Variants in PFKFB2 observed in about 807,000 individuals in gnomAD.
PFKFB2 encodes the protein 6-phosphofructo-2-kinase/fructose-2,6-bisphosphatase 2.
In PFKFB2, 53 loss-of-function variants were observed where a neutral mutation model predicts 68.0. The ratio of observed to expected loss-of-function variants is 0.78; its 90% CI spans 0.63 to 0.98. PFKFB2 has a LOEUF of 0.98. Among genes scored for constraint, PFKFB2 ranks in the 50% least tolerant of loss-of-function variants. PFKFB2 has a pLI of 0.00. For missense variants in PFKFB2, 451 were observed against 642.0 expected (o/e 0.70, Z 3.22); for synonymous variants, 222 against 227.6 (o/e 0.98, Z 0.22).
At chr1:207,059,522 A>G (rs574869911) in intron 2 of PFKFB2, among the ~76,000 whole-genome samples, 1 of 152,280 alleles carries the variant, frequency 6.6e-6, no homozygotes, top group Admixed American at 6.5e-5. Flanking sequence ...GCTTCAGGGT[A>G]CAGTTTGCTT....
At chr1:207,039,657 C>A (rs564505596) in intron 1 of PFKFB2, among the ~76,000 whole-genome samples, 2 of 152,112 alleles carry the variant, frequency 1.3e-5, no homozygotes, top group African/African-American at 2.4e-5. Flanking sequence ...AAAAACCCCA[C>A]GCTTTTATGG....
At chr1:207,040,602 GT>G (rs566969378) in intron 1 of PFKFB2, among the ~76,000 whole-genome samples, 47 of 152,128 alleles carry the variant, frequency 3.1e-4, no homozygotes, top group Non-Finnish European at 5.9e-4. Context: ...TTTGTGTCTT[GT>G]TTTCGTCTGG....
intron 1 of PFKFB2, among the ~76,000 whole-genome samples, chr1:207,037,701 T>C (rs1262588644): frequency 6.6e-6 from 1 of 152,244 alleles, no homozygotes; most frequent in Admixed American, 6.5e-5. Context: ...GTAAATATTA[T>C]TCCACATCAC....
intron 8 of PFKFB2, among the ~76,000 whole-genome samples, chr1:207,065,717 A>G (rs1223093272): frequency 1.3e-5 from 2 of 152,102 alleles, no homozygotes; most frequent in African/African-American, 4.8e-5. Context: ...CAATCTCAGT[A>G]TTATTGGCAC....
At chr1:207,065,307 G>T in intron 8 of PFKFB2, 147 bp downstream of exon 8, 1 of 1,436,378 alleles carries the variant, frequency 7.0e-7, no homozygotes, top group Non-Finnish European at 9.2e-7. Flanking sequence ...ATGGATTTGT[G>T]GCTTTTATGT....
At chr1:207,060,779 A>C (rs1343581279) in intron 2 of PFKFB2, 1 of 151,844 alleles carries the variant, frequency 6.6e-6, no homozygotes, top group Non-Finnish European at 1.5e-5. Context: ...TATGTTAAGG[A>C]TGATGTCATT....
chr1:207,051,150 G>A, upstream of PFKFB2: 1 of 1,421,110 alleles, frequency 7.0e-7, no homozygotes, highest in Non-Finnish European at 9.2e-7. Flanking sequence ...CCCTCAGAAC[G>A]AAGATGTAAA....
intron 2 of PFKFB2, chr1:207,047,674 T>TGCC (rs1682631542): frequency 1.3e-5 from 2 of 152,614 alleles, no homozygotes; most frequent in African/African-American, 4.8e-5. Flanking sequence ...TGAAGCTAAG[T>TGCC]TTTAGAGGGT....
downstream of PFKFB2, among the ~76,000 whole-genome samples, chr1:207,078,620 G>A (rs941210877): frequency 2.0e-5 from 3 of 152,162 alleles, no homozygotes; most frequent in African/African-American, 4.8e-5. Context: ...TGGTCTTTTG[G>A]CTGACATAGC....
chr1:207,060,501 T>C (rs1359933299), intron 2 of PFKFB2, among the ~76,000 whole-genome samples: 8 of 152,208 alleles, frequency 5.3e-5, no homozygotes. Flanking sequence ...TCAAGTAAGC[T>C]TTGCCAACTC....
Position 207,075,130 on chromosome 1 carries a change from G to T in PFKFB2, c.*2759G>T, listed in dbSNP as rs552744844. Reference sequence around the variant, plus strand: ...TGGATTAACACTGTACCCACTCTTAGCAAAAGGGGACTTCTCTAACAAGCT... The same window carrying T: ...TGGATTAACACTGTACCCACTCTTATCAAAAGGGGACTTCTCTAACAAGCT... On this transcript the variant is annotated 3_prime_UTR_variant, in exon 15 of 15. Transcript: ENST00000367080. 6.1e-6 allele frequency: 6 copies of T among 985,452 alleles called. 1 individual carries two copies. In the South Asian group the frequency reaches 2.8e-4, roughly 46 times the overall value. The allele number at this position is 985,452 out of a possible 1,614,324, so 61.0% of individuals were successfully genotyped here. A position where few individuals can be genotyped will look rare whatever the true frequency, so the allele number is the denominator to read the frequency against.
At position 207,073,163 on chromosome 1, in the gene PFKFB2, G is replaced by C; in HGVS notation, c.*792G>C. The C allele has an allele frequency of 1.0e-6, 1 of 985,526 alleles. No homozygotes were observed. Among genetic ancestry groups the C allele is most frequent in the Non-Finnish European group, 1.2e-6 (1 of 830,024 alleles). The allele number at this position is 985,526 out of a possible 1,614,324, so 61.0% of individuals were successfully genotyped here. A position where few individuals can be genotyped will look rare whatever the true frequency, so the allele number is the denominator to read the frequency against. ...ACAGTTCTAAGTCTTCGATGCCCTG[G>C]GAGAATCTGGCTCTGAGCATGTGGG... On this transcript the variant is annotated 3_prime_UTR_variant, in exon 15 of 15. Transcript: ENST00000367080.
intron 12 of PFKFB2, 41 bp from the exon 13 acceptor site, chr1:207,071,147 A>G (rs1683454465): frequency 2.0e-6 from 3 of 1,530,136 alleles, no homozygotes; most frequent in Non-Finnish European, 2.7e-6. Context: ...CTTACTCCAT[A>G]ATACTAAGAG....
chr1:207,049,004 C>A, upstream of PFKFB2: 2 of 1,606,202 alleles, frequency 1.2e-6, no homozygotes, highest in South Asian at 1.1e-5. Context: ...GGCTTCAACC[C>A]TCATTCATGC....
chr1:207,063,216 T>C lies in PFKFB2; in HGVS notation c.375+7T>C. 1 of 1,612,380 alleles carries C rather than the reference T, an allele frequency of 6.2e-7. No homozygotes were observed. Among genetic ancestry groups the C allele is most frequent in the Non-Finnish European group, 8.5e-7 (1 of 1,178,374 alleles). On this transcript the variant is annotated splice_region_variant and intron_variant, in intron 5 of 14. Transcript: ENST00000367080. This position sits in a 1 kb window ranked among gnomAD's most constrained non-coding sequence, Gnocchi z 4.1. ...GGAGAATGGTCAGATTGCGGTAAGC[T>C]TTATCTGCTGCTTCTTCTTTCTGGT...
intron 1 of PFKFB2, chr1:207,042,144 C>T (rs1052278305): frequency 6.6e-6 from 1 of 152,176 alleles, no homozygotes; most frequent in Admixed American, 6.5e-5. Context: ...ATGTCAATCT[C>T]TTCTTTTCCC....
In PFKFB2 at chr1:207,075,333, C is replaced by G; in HGVS notation, c.*2962C>G. The G allele has an allele frequency of 1.0e-6, 1 of 985,436 alleles. No individual in the cohort carries two copies. Among genetic ancestry groups the G allele is most frequent in the Non-Finnish European group, 1.2e-6 (1 of 829,930 alleles). 61.0% of individuals were successfully genotyped at this position (985,436 alleles called of 1,614,324 possible). A position where few individuals can be genotyped will look rare whatever the true frequency, so the allele number is the denominator to read the frequency against. ...ACATGAGAAATTGGAATTTGGCAAG[C>G]AAGGGCTTCAGCATCCTTTAGTTTC... On this transcript the variant is annotated 3_prime_UTR_variant, in exon 15 of 15. Coordinates refer to ENST00000367080, the MANE Select transcript of PFKFB2 (RefSeq NM_006212.2).
At chr1:207,066,820 AT>A (rs1348232624) in intron 8 of PFKFB2, among the ~76,000 whole-genome samples, 3 of 151,896 alleles carry the variant, frequency 2.0e-5, no homozygotes, top group Non-Finnish European at 4.4e-5. Context: ...CGCCCGGCTA[AT>A]TTTTTTATTT....
chr1:207,063,471 G>A lies in PFKFB2; in HGVS notation c.450+50G>A. On this transcript the variant is annotated intron_variant, in intron 6 of 14. Transcript: ENST00000367080. This position sits in a 1 kb window ranked among gnomAD's most constrained non-coding sequence, Gnocchi z 4.1. ...GAAAAGGGATGAGTAGAGGTGGGGA[G>A]TCAGGCTACAGGCATGGATCTCTCA... The A allele has an allele frequency of 7.7e-7, 1 of 1,298,126 alleles. No homozygotes were observed. The highest frequency in any genetic ancestry group is 1.1e-6 in the Non-Finnish European group (1 of 901,034). 80.4% of individuals were successfully genotyped at this position (1,298,126 alleles called of 1,614,324 possible). A position where few individuals can be genotyped will look rare whatever the true frequency, so the allele number is the denominator to read the frequency against.
Sources: gnomAD v4.1 joint callset for allele counts (sites outside exome capture counted in the v4.1 genomes callset) on GRCh38, gnomAD v4.1.1 for gene constraint, Gnocchi (gnomAD v3.1) non-coding constraint, MANE v1.5 for transcripts, NCBI Gene and HGNC (gene_info 2026-07-23, HGNC 2026-07-21) for gene names.